Variants in CSMD1 observed in about 807,000 individuals in gnomAD.
CSMD1 encodes the protein CUB and sushi domain-containing protein 1.
CSMD1 carries 213 observed loss-of-function variants against 417.5 expected under a neutral mutation model. That is an observed-to-expected ratio of 0.51 (90% CI 0.46 to 0.57). The LOEUF is 0.57. Among genes scored for constraint, CSMD1 ranks in the 20% least tolerant of loss-of-function variants. The pLI, the probability that CSMD1 is intolerant of heterozygous loss-of-function variation, is 0.00. For missense variants in CSMD1, 6,923 were observed against 4,529.7 expected (o/e 1.53, Z -15.17); for synonymous variants, 2,862 against 1,736.8 (o/e 1.65, Z -16.11).
chr8:3,392,673 A>T (rs1333107167), intron 17 of CSMD1, among the ~76,000 whole-genome samples: 1 of 152,006 alleles, frequency 6.6e-6, no homozygotes, highest in East Asian at 1.9e-4. Flanking sequence ...TCTGATTTTC[A>T]TCATGAGTTC....
intron 7 of CSMD1, among the ~76,000 whole-genome samples, chr8:3,694,737 C>A (rs1800453093): frequency 6.6e-6 from 1 of 151,832 alleles, no homozygotes; most frequent in South Asian, 2.1e-4. Context: ...AGGTGCCATT[C>A]TGCTTCGAAA....
At chr8:4,750,487 A>T (rs1039192217) in intron 1 of CSMD1, among the ~76,000 whole-genome samples, 1 of 152,196 alleles carries the variant, frequency 6.6e-6, no homozygotes, top group African/African-American at 2.4e-5. Context: ...AATGCCTCTT[A>T]ATTTCATAGT....
chr8:4,210,902 G>T (rs1039235826), intron 3 of CSMD1, among the ~76,000 whole-genome samples: 1 of 152,062 alleles, frequency 6.6e-6, no homozygotes, highest in Non-Finnish European at 1.5e-5. Context: ...TTTTCTATAA[G>T]AAATGGTTGA....
At chr8:3,022,958 C>G (rs1012018660) in intron 51 of CSMD1, among the ~76,000 whole-genome samples, 2 of 152,178 alleles carry the variant, frequency 1.3e-5, no homozygotes, top group Non-Finnish European at 2.9e-5. Context: ...TCAGCTGTCT[C>G]TGGGGCAATG....
chr8:4,376,288 A>G (rs957473284), intron 3 of CSMD1, among the ~76,000 whole-genome samples: 3 of 152,208 alleles, frequency 2.0e-5, no homozygotes, highest in African/African-American at 7.2e-5. Flanking sequence ...ACCTGTGGCC[A>G]TTGTAGAAAA....
intron 1 of CSMD1, among the ~76,000 whole-genome samples, chr8:4,974,482 T>C (rs895057273): frequency 1.3e-5 from 2 of 150,132 alleles, no homozygotes; most frequent in African/African-American, 2.4e-5. Flanking sequence ...TCACTACATG[T>C]TGATGGAGAA....
At chr8:4,288,773 A>G (rs1489193760) in intron 3 of CSMD1, among the ~76,000 whole-genome samples, 1 of 152,200 alleles carries the variant, frequency 6.6e-6, no homozygotes, top group Non-Finnish European at 1.5e-5. Context: ...AAGATCTGAT[A>G]CCTGTCAGGT....
In CSMD1 at chr8:4,420,172, A is replaced by C; in HGVS notation, c.303-107T>G. On this transcript the variant is annotated intron_variant, in intron 2 of 69. Transcript: ENST00000635120. ...ACTTGAACAGTGGTATATTCACTTG[A>C]AATATGGCATTAAACACTTAGATAA... is the stretch of plus-strand genomic sequence containing the variant. 7.5e-6 allele frequency: 5 copies of C among 670,736 alleles called. No homozygotes were observed. The South Asian group carries it at 8.7e-5, about 12-fold the overall frequency. The allele number at this position is 670,736 out of a possible 1,614,324, so 41.5% of individuals were successfully genotyped here. A position where few individuals can be genotyped will look rare whatever the true frequency, so the allele number is the denominator to read the frequency against.
At chr8:4,241,701 T>A in intron 3 of CSMD1, among the ~76,000 whole-genome samples, 1 of 95,854 alleles carries the variant, frequency 1.0e-5, no homozygotes, top group Non-Finnish European at 2.1e-5. Flanking sequence ...GGAGTGATTT[T>A]TTTTTTCTTT....
chr8:3,072,852 A>C (rs992486862), intron 49 of CSMD1, among the ~76,000 whole-genome samples: 3 of 152,184 alleles, frequency 2.0e-5, no homozygotes, highest in African/African-American at 7.2e-5. Flanking sequence ...CCCACTTTTC[A>C]GTATTAATGG....
In CSMD1 at chr8:3,201,649, C is replaced by A; in HGVS notation, c.5061G>T (p.Gln1687His). 6.2e-7 allele frequency: 1 copy of A among 1,606,052 alleles called. No individual in the cohort carries two copies. The highest frequency in any genetic ancestry group is 1.3e-5 in the African/African-American group (1 of 74,870). Reference protein sequence around the residue: ...LAELFDGTHAQARLLSSLSGS... With the variant: ...LAELFDGTHAHARLLSSLSGS... ...CCGAGAGTGAGCTGAGAAGTCTGGC[C>A]TGTGCATGGGTTCCATCAAATAATT... Residue 1687 changes from glutamine to histidine, a missense_variant, in exon 32 of 70, where the codon CAG becomes CAT. Gln to His is a conservative substitution (Grantham distance 24). Coordinates refer to ENST00000635120, the MANE Select transcript of CSMD1 (RefSeq NM_033225.6).
At chr8:4,781,763 A>T (rs10081503) in intron 1 of CSMD1, among the ~76,000 whole-genome samples, 2 of 151,994 alleles carry the variant, frequency 1.3e-5, no homozygotes, top group South Asian at 2.1e-4. Flanking sequence ...TCTTAATCAC[A>T]GCAATTAATA....
intron 7 of CSMD1, among the ~76,000 whole-genome samples, chr8:3,687,371 A>G (rs1799992691): frequency 1.3e-5 from 2 of 152,210 alleles, no homozygotes; most frequent in South Asian, 2.1e-4. Flanking sequence ...ATTAAAATCC[A>G]TGGTGAGCAG....
intron 23 of CSMD1, among the ~76,000 whole-genome samples, chr8:3,314,110 G>C (rs1044351051): frequency 6.6e-6 from 1 of 151,854 alleles, no homozygotes; most frequent in Non-Finnish European, 1.5e-5. Context: ...TCACACACCG[G>C]AGCCTGTTGT....
intron 2 of CSMD1, among the ~76,000 whole-genome samples, chr8:4,605,252 C>T (rs563225409): frequency 2.0e-5 from 3 of 151,620 alleles, no homozygotes; most frequent in South Asian, 2.1e-4. Context: ...AACGTTAGAC[C>T]GATGAAGTTT....
chr8:4,154,212 T>C (rs1796711905), intron 3 of CSMD1, among the ~76,000 whole-genome samples: 1 of 152,146 alleles, frequency 6.6e-6, no homozygotes, highest in African/African-American at 2.4e-5. Flanking sequence ...GGAAGAATAA[T>C]ATCAAGGTTA....
intron 1 of CSMD1, among the ~76,000 whole-genome samples, chr8:4,829,632 C>A (rs1030262357): frequency 1.3e-5 from 2 of 151,290 alleles, no homozygotes; most frequent in Non-Finnish European, 2.9e-5. Flanking sequence ...CCCAAGTACT[C>A]AGGAGGCTGA....
chr8:4,404,813 C>T (rs1046543964), intron 3 of CSMD1, among the ~76,000 whole-genome samples: 1 of 152,104 alleles, frequency 6.6e-6, no homozygotes, highest in East Asian at 1.9e-4. Flanking sequence ...TCTATGGGTA[C>T]ACAGTAAGTG....
intron 3 of CSMD1, among the ~76,000 whole-genome samples, chr8:4,159,193 G>C (rs1276324255): frequency 6.6e-6 from 1 of 152,130 alleles, no homozygotes; most frequent in Non-Finnish European, 1.5e-5. Flanking sequence ...TGGGATTACA[G>C]GCATGAGCCA....
Sources: gnomAD v4.1 joint callset for allele counts (sites outside exome capture counted in the v4.1 genomes callset) on GRCh38, gnomAD v4.1.1 for gene constraint, MANE v1.5 for transcripts, NCBI Gene and HGNC (gene_info 2026-07-23, HGNC 2026-07-21) for gene names.